Variants in CACNG5 observed in about 807,000 individuals in gnomAD.
CACNG5 encodes the protein voltage-dependent calcium channel gamma-5 subunit.
Under a neutral mutation model 24.8 loss-of-function variants are expected in CACNG5, and 18 were observed. The observed-to-expected ratio is 0.73, with a 90% confidence interval of 0.50 to 1.08. The LOEUF is 1.08. Among genes scored for constraint, CACNG5 ranks in the 50% least tolerant of loss-of-function variants. The pLI, the probability that CACNG5 is intolerant of heterozygous loss-of-function variation, is 0.00. For missense variants in CACNG5, 349 were observed against 367.9 expected (o/e 0.95, Z 0.42); for synonymous variants, 157 against 149.1 (o/e 1.05, Z -0.39).
intron 2 of CACNG5, 80 bp from the exon 3 acceptor site, chr17:66,878,892 A>T: frequency 8.4e-7 from 1 of 1,191,574 alleles, no homozygotes; most frequent in Non-Finnish European, 1.2e-6. Context: ...CTAAAAACAC[A>T]CTTGGAAATA....
chr17:66,838,067 C>G (rs1313111499), intron 1 of CACNG5, among the ~76,000 whole-genome samples: 1 of 151,804 alleles, frequency 6.6e-6, no homozygotes, highest in African/African-American at 2.4e-5. Context: ...CAGAACACAC[C>G]ACGTGGGGTT....
rs570849490 is a variant in CACNG5 at position 66,891,558 on chromosome 17, T to C, written c.*6318T>C. The stretch of plus-strand genomic sequence containing the variant: ...TCTTCTTAAGGCCTGGTCTTCCTCA[T>C]AGGGTGACAGCTTGGTTTTAAGAGT... On this transcript the variant is annotated 3_prime_UTR_variant, in exon 6 of 6. Coordinates refer to ENST00000533854, the MANE Select transcript of CACNG5 (RefSeq NM_145811.3). 1.6e-4 allele frequency among the ~76,000 whole-genome samples: 25 copies of C among 152,304 alleles called. No individual in the cohort carries two copies. The highest frequency in any genetic ancestry group is 5.3e-4 in the African/African-American group (22 of 41,570).
chr17:66,858,672 G>GC (rs553274141), intron 1 of CACNG5, among the ~76,000 whole-genome samples: 15 of 145,594 alleles, frequency 1.0e-4, no homozygotes, highest in Admixed American at 2.1e-4. Flanking sequence ...GCAAGCTGCA[G>GC]CCCCCCCTCC....
chr17:66,863,702 C>A (rs1976894368), intron 1 of CACNG5, among the ~76,000 whole-genome samples: 1 of 152,184 alleles, frequency 6.6e-6, no homozygotes, highest in Admixed American at 6.5e-5. Flanking sequence ...TACACATAAT[C>A]CTCTTTTCAT....
intron 1 of CACNG5, among the ~76,000 whole-genome samples, chr17:66,843,959 G>T (rs8078344): frequency 1.3e-5 from 2 of 149,270 alleles, no homozygotes; most frequent in East Asian, 4.0e-4. Context: ...CCCTTGACTC[G>T]GGGGGAGAGA....
At chr17:66,849,000 T>C (rs1976674999) in intron 1 of CACNG5, among the ~76,000 whole-genome samples, 1 of 151,950 alleles carries the variant, frequency 6.6e-6, no homozygotes, top group Non-Finnish European at 1.5e-5. Flanking sequence ...GCTGCCGCCG[T>C]GTGCATTGAT....
At position 66,886,836 on chromosome 17, in the gene CACNG5, G is replaced by T. The variant is rs1330361240; in HGVS notation, c.*1596G>T. Among the ~76,000 whole-genome samples, 1 of 152,136 alleles carries T rather than the reference G, an allele frequency of 6.6e-6. No individual in the cohort carries two copies. Among genetic ancestry groups the T allele is most frequent in the African/African-American group, 2.4e-5 (1 of 41,436 alleles). ...GGGTACCGGAGTCCAAGATCACGGTGTTGGCAGGATTGGTTTCTTCTGAGG... is the reference window on the plus strand; with the variant it reads ...GGGTACCGGAGTCCAAGATCACGGTTTTGGCAGGATTGGTTTCTTCTGAGG... On this transcript the variant is annotated 3_prime_UTR_variant, in exon 6 of 6. Transcript: ENST00000533854.
Position 66,874,389 on chromosome 17 carries a change from A to G in CACNG5, c.-103-2841A>G, listed in dbSNP as rs968972297. Reference sequence around the variant, plus strand: ...AGACTGGATAATTTATAAAGAAAAGAGGTTTATTTAGCTCTTGGTTCTGCA... The same window carrying G: ...AGACTGGATAATTTATAAAGAAAAGGGGTTTATTTAGCTCTTGGTTCTGCA... On this transcript the variant is annotated intron_variant, in intron 1 of 5. Transcript: ENST00000533854. Among the ~76,000 whole-genome samples the G allele has an allele frequency of 2.2e-4, 34 of 152,166 alleles. 1 individual carries two copies.
chr17:66,836,540 T>A (rs1305277165), intron 1 of CACNG5, among the ~76,000 whole-genome samples: 2 of 152,134 alleles, frequency 1.3e-5, no homozygotes, highest in Non-Finnish European at 2.9e-5. Flanking sequence ...AGCCAGCCCC[T>A]CATGCCGAAG....
At chr17:66,854,324 A>T (rs1182876144) in intron 1 of CACNG5, among the ~76,000 whole-genome samples, 1 of 151,790 alleles carries the variant, frequency 6.6e-6, no homozygotes, top group Non-Finnish European at 1.5e-5. Flanking sequence ...GTTACTTGGG[A>T]GGCTGAGGCA....
intron 1 of CACNG5, among the ~76,000 whole-genome samples, chr17:66,846,207 A>C (rs1203413406): frequency 6.6e-6 from 1 of 152,198 alleles, no homozygotes; most frequent in Non-Finnish European, 1.5e-5. Flanking sequence ...CTTTGATATA[A>C]ATAGATGCAG....
chr17:66,850,721 G>T (rs1168515750), intron 1 of CACNG5, among the ~76,000 whole-genome samples: 1 of 152,158 alleles, frequency 6.6e-6, no homozygotes, highest in African/African-American at 2.4e-5. Flanking sequence ...TCCATAATGT[G>T]GGGTTGGGGG....
At chr17:66,845,809 T>C (rs1416887527) in intron 1 of CACNG5, among the ~76,000 whole-genome samples, 2 of 152,204 alleles carry the variant, frequency 1.3e-5, no homozygotes, top group Non-Finnish European at 1.5e-5. Context: ...CCAGTGCTAA[T>C]CACAGACCTC....
intron 1 of CACNG5, among the ~76,000 whole-genome samples, chr17:66,862,246 G>A (rs1010543965): frequency 2.0e-5 from 3 of 152,146 alleles, no homozygotes; most frequent in Admixed American, 2.0e-4. Context: ...TTAAATGTAT[G>A]GATTAAATGG....
At chr17:66,848,938 G>C (rs572391085) in intron 1 of CACNG5, among the ~76,000 whole-genome samples, 5 of 152,110 alleles carry the variant, frequency 3.3e-5, no homozygotes, top group African/African-American at 1.2e-4. Flanking sequence ...CCCCAGGAAG[G>C]CCAGGGCAGG....
Position 66,888,732 on chromosome 17 carries a change from T to A in CACNG5, c.*3492T>A, listed in dbSNP as rs1057406510. On this transcript the variant is annotated 3_prime_UTR_variant, in exon 6 of 6. Transcript: ENST00000533854. ...TGAGACAGCTTGGAATGTTTCTGTGTGTGGGAGAAGTTTATGGCAGGGTTG... is the reference window on the plus strand; with the variant it reads ...TGAGACAGCTTGGAATGTTTCTGTGAGTGGGAGAAGTTTATGGCAGGGTTG... Among the ~76,000 whole-genome samples the A allele has an allele frequency of 6.6e-6, 1 of 151,998 alleles. No individual in the cohort carries two copies. The highest frequency in any genetic ancestry group is 1.5e-5 in the Non-Finnish European group (1 of 67,986).
chr17:66,882,568 G>A (rs1977175263), intron 4 of CACNG5, among the ~76,000 whole-genome samples: 1 of 152,164 alleles, frequency 6.6e-6, no homozygotes. Flanking sequence ...CCTTTTCAAG[G>A]TGACCTGTGC....
chr17:66,864,673 A>T, intron 1 of CACNG5, among the ~76,000 whole-genome samples: 1 of 152,194 alleles, frequency 6.6e-6, no homozygotes, highest in African/African-American at 2.4e-5. Context: ...TCAGCATCAA[A>T]CTGTTTTAAT....
In CACNG5 at chr17:66,835,121, G is replaced by C. The variant is rs1023265974; in HGVS notation, c.-233G>C. ...GCGGCGGCGGCGGCCACGGTCATTGGCGCCGAGCGGTTCCGGCTGACTGGA... is the reference window on the plus strand; with the variant it reads ...GCGGCGGCGGCGGCCACGGTCATTGCCGCCGAGCGGTTCCGGCTGACTGGA... On this transcript the variant is annotated 5_prime_UTR_variant, in exon 1 of 6. Coordinates refer to ENST00000533854, the MANE Select transcript of CACNG5 (RefSeq NM_145811.3). The C allele has an allele frequency of 6.6e-6, 1 of 152,232 alleles. No individual in the cohort carries two copies. Among genetic ancestry groups the C allele is most frequent in the African/African-American group, 2.4e-5 (1 of 41,450 alleles). 9.4% of individuals were successfully genotyped at this position (152,232 alleles called of 1,614,324 possible).
Sources: allele counts gnomAD v4.1 joint callset (sites outside exome capture counted in the v4.1 genomes callset), GRCh38; gene constraint gnomAD v4.1.1; transcripts MANE v1.5; gene names NCBI Gene and HGNC (gene_info 2026-07-23, HGNC 2026-07-21).